The following MKLN1 variants were observed in gnomAD, a reference collection of about 807,000 sequenced individuals.
MKLN1 encodes muskelin 1.
In MKLN1, 18 loss-of-function variants were observed where a neutral mutation model predicts 99.0. That is an observed-to-expected ratio of 0.18 (90% CI 0.13 to 0.27). The LOEUF (loss-of-function observed/expected upper bound fraction) is 0.27. Among genes scored for constraint, MKLN1 ranks in the 10% least tolerant of loss-of-function variants. MKLN1 has a pLI of 1.00. For synonymous variants in MKLN1, 288 were observed against 293.2 expected, an observed-to-expected ratio of 0.98 and a Z score of 0.18; for missense variants, 621 against 875.9, an observed-to-expected ratio of 0.71 and a Z score of 3.67.
At chr7:131,139,267 C>T (rs1335523024) in intron 1 of MKLN1, among the ~76,000 whole-genome samples, 1 of 152,040 alleles carries the variant, frequency 6.6e-6, no homozygotes, top group Admixed American at 6.6e-5. Flanking sequence ...GGGACCCATC[C>T]GTACAGCATC....
intron 6 of MKLN1, among the ~76,000 whole-genome samples, chr7:131,407,380 C>A (rs1237996971): frequency 6.6e-6 from 1 of 151,884 alleles, no homozygotes; most frequent in Non-Finnish European, 1.5e-5. Flanking sequence ...CTATTGCAGG[C>A]TACATTTTTC....
intron 2 of MKLN1, among the ~76,000 whole-genome samples, chr7:131,194,003 GTTT>G (rs71168387): frequency 7.8e-6 from 1 of 128,240 alleles, no homozygotes; most frequent in African/African-American, 2.8e-5. Context: ...GCTTTGTTTT[GTTT>G]TTTTTTTTTT....
intron 15 of MKLN1, among the ~76,000 whole-genome samples, chr7:131,467,816 A>T (rs562925234): frequency 6.6e-6 from 1 of 152,184 alleles, no homozygotes; most frequent in East Asian, 1.9e-4. Context: ...ACTGGGTAAA[A>T]CTCGTGGCTG....
At chr7:131,190,478 A>G (rs1796518852) in intron 2 of MKLN1, among the ~76,000 whole-genome samples, 2 of 152,044 alleles carry the variant, frequency 1.3e-5, no homozygotes, top group South Asian at 2.1e-4. Flanking sequence ...AAAAAAATCT[A>G]AAGAGCCCAG....
At chr7:131,174,131 C>A (rs1375984439) in intron 2 of MKLN1, among the ~76,000 whole-genome samples, 1 of 152,008 alleles carries the variant, frequency 6.6e-6, no homozygotes, top group African/African-American at 2.4e-5. Flanking sequence ...CGCCACCGCA[C>A]CCGGCTAATT....
At chr7:131,448,096 C>T (rs1055587115) in intron 12 of MKLN1, among the ~76,000 whole-genome samples, 3 of 152,052 alleles carry the variant, frequency 2.0e-5, no homozygotes, top group African/African-American at 4.8e-5. Flanking sequence ...GGCGTGGTGG[C>T]GGGCGCCTGT....
intron 1 of MKLN1, among the ~76,000 whole-genome samples, chr7:131,361,753 CAGTA>C (rs1800036782): frequency 6.6e-6 from 1 of 151,910 alleles, no homozygotes; most frequent in African/African-American, 2.4e-5. Flanking sequence ...GTGAGGCAGT[CAGTA>C]AGTATATTCC....
chr7:131,453,578 G>A (rs938256465), intron 12 of MKLN1, among the ~76,000 whole-genome samples: 1 of 152,002 alleles, frequency 6.6e-6, no homozygotes, highest in African/African-American at 2.4e-5. Flanking sequence ...ATCCCTACTT[G>A]ACTTTTGTAC....
At position 131,371,765 on chromosome 7, in the gene MKLN1, C is replaced by CATATAT. The variant is rs149627807; in HGVS notation, c.99-3647_99-3642dup. Reference sequence around the variant, plus strand: ...TTTACATTATACTTGACATATATAACATATATATATATATATACACTTAAT... The same window carrying CATATAT: ...TTTACATTATACTTGACATATATAACATATATATATATATATATATATACACTTAAT... On this transcript the variant is annotated intron_variant, in intron 1 of 17. Coordinates refer to ENST00000352689, the MANE Select transcript of MKLN1 (RefSeq NM_013255.5). Among the ~76,000 whole-genome samples the CATATAT allele has an allele frequency of 2.4e-4, 36 of 147,718 alleles. No homozygotes were observed. The East Asian group carries it at 4.0e-3, about 16-fold the overall frequency.
chr7:131,481,665 G>C (rs1036825173), intron 17 of MKLN1, among the ~76,000 whole-genome samples: 9 of 151,964 alleles, frequency 5.9e-5, no homozygotes, highest in African/African-American at 1.9e-4. Context: ...TTTTCATAAG[G>C]TTTCATGCCT....
intron 3 of MKLN1, among the ~76,000 whole-genome samples, chr7:131,298,160 A>C (rs1295254621): frequency 6.6e-6 from 1 of 151,770 alleles, no homozygotes; most frequent in Non-Finnish European, 1.5e-5. Context: ...AGTCCCAGAT[A>C]CTCGGGAGGC....
chr7:131,328,392 G>A (rs1200191847), intron 1 of MKLN1, among the ~76,000 whole-genome samples: 1 of 152,222 alleles, frequency 6.6e-6, no homozygotes, highest in African/African-American at 2.4e-5. Context: ...GGTCGTCCGA[G>A]GTGGTCGGCG....
At chr7:131,369,619 T>C (rs1279360721) in intron 1 of MKLN1, among the ~76,000 whole-genome samples, 1 of 152,220 alleles carries the variant, frequency 6.6e-6, no homozygotes, top group African/African-American at 2.4e-5. Context: ...ATTAGTCATA[T>C]GAGTTGCAGA....
rs200852952 is a variant in MKLN1 at position 131,128,197 on chromosome 7, C to G, written c.-418-14623C>G. On this transcript the variant is annotated intron_variant, in intron 1 of 7. Coordinates refer to the MKLN1 transcript ENST00000416992. ...TAAAGAGAAGGGACCGAAGTATCGC[C>G]TCTGATTCAAAAAAAAAAAAAAAAC... 7.3e-4 allele frequency among the ~76,000 whole-genome samples: 105 copies of G among 144,202 alleles called. No homozygotes were observed. In the East Asian group the frequency reaches 0.021, roughly 29 times the overall value. The allele number at this position is 144,202 out of a possible 152,430, so 94.6% of individuals were successfully genotyped here.
chr7:131,431,675 T>C (rs3857862), intron 9 of MKLN1, among the ~76,000 whole-genome samples: 58,156 of 152,058 alleles, frequency 0.38, 12,073 homozygotes, highest in East Asian at 0.49. Context: ...TGCAGGATAC[T>C]ATTAAAGGGC....
chr7:131,483,962 G>T (rs188321065), intron 17 of MKLN1, among the ~76,000 whole-genome samples: 80 of 152,176 alleles, frequency 5.3e-4, no homozygotes, highest in Admixed American at 1.0e-3. Context: ...CTGTATATAC[G>T]CATGCATACA....
At chr7:131,164,002 G>C (rs1435966434) in intron 2 of MKLN1, among the ~76,000 whole-genome samples, 1 of 152,174 alleles carries the variant, frequency 6.6e-6, no homozygotes, top group Non-Finnish European at 1.5e-5. Context: ...TGCAAATTAA[G>C]CTTTGCCACA....
chr7:131,244,865 CT>C (rs1797462057), intron 3 of MKLN1, among the ~76,000 whole-genome samples: 1 of 152,080 alleles, frequency 6.6e-6, no homozygotes, highest in Non-Finnish European at 1.5e-5. Context: ...AAGGTGAATG[CT>C]TCTGGGCTCT....
In MKLN1 at chr7:131,155,783, G is replaced by A. The variant is rs1298050043; in HGVS notation, c.-297+12842G>A. On this transcript the variant is annotated intron_variant, in intron 2 of 7. Transcript: ENST00000416992. ...TATGTAACTTCATTAAAGTCATACA[G>A]CTACTTTGTGAGAGTGTGACAAAAA... 2.0e-5 allele frequency among the ~76,000 whole-genome samples: 3 copies of A among 152,250 alleles called. No individual in the cohort carries two copies. In the South Asian group the frequency reaches 6.2e-4, roughly 32 times the overall value.
Sources: allele counts gnomAD v4.1 joint callset (sites outside exome capture counted in the v4.1 genomes callset), GRCh38; gene constraint gnomAD v4.1.1; transcripts MANE v1.5; gene names NCBI Gene and HGNC (gene_info 2026-07-23, HGNC 2026-07-21).